Variants in SKAP1 observed in about 807,000 individuals in gnomAD.
SKAP1 encodes the protein src kinase-associated phosphoprotein 1.
Under a neutral mutation model 58.5 loss-of-function variants are expected in SKAP1, and 44 were observed. That is an observed-to-expected ratio of 0.75 (90% CI 0.59 to 0.97). The LOEUF is 0.97. Among genes scored for constraint, SKAP1 ranks in the 50% least tolerant of loss-of-function variants. SKAP1 has a pLI of 0.00. For missense variants in SKAP1, 390 were observed against 435.2 expected (o/e 0.90, Z 0.92); for synonymous variants, 127 against 149.7 (o/e 0.85, Z 1.11).
chr17:48,191,460 A>C (rs1255075052), intron 4 of SKAP1, among the ~76,000 whole-genome samples: 1 of 152,232 alleles, frequency 6.6e-6, no homozygotes, highest in Non-Finnish European at 1.5e-5. Flanking sequence ...GGCCACCTAT[A>C]GAGTATCTTG....
At chr17:48,279,297 A>AAT (rs2065739255) in intron 4 of SKAP1, among the ~76,000 whole-genome samples, 1 of 152,224 alleles carries the variant, frequency 6.6e-6, no homozygotes, top group Admixed American at 6.5e-5. Flanking sequence ...GAAAATGTGT[A>AAT]ATAAAATTCA....
At chr17:48,405,442 TTTCTTTCTTTTCTTTC>T (rs1472878199) in intron 1 of SKAP1, among the ~76,000 whole-genome samples, 2,986 of 78,338 alleles carry the variant, frequency 0.038, 74 homozygotes, top group African/African-American at 0.06. Context: ...TCTTTCTTTC[TTTCTTTCTTTTCTTTC>T]TTTCTTTCCT....
At chr17:48,257,628 CTTTT>C (rs56225931) in intron 4 of SKAP1, among the ~76,000 whole-genome samples, 1 of 111,146 alleles carries the variant, frequency 9.0e-6, no homozygotes, top group African/African-American at 3.2e-5. Flanking sequence ...TTCTTTCTTT[CTTTT>C]TTTTTTTTTT....
intron 11 of SKAP1, among the ~76,000 whole-genome samples, chr17:48,153,950 A>G (rs1018520999): frequency 6.6e-5 from 10 of 152,140 alleles, no homozygotes; most frequent in Admixed American, 5.9e-4. Context: ...TGAAGGAATT[A>G]ACTTATCTGT....
intron 10 of SKAP1, among the ~76,000 whole-genome samples, chr17:48,170,233 G>A (rs1213572895): frequency 6.6e-6 from 1 of 152,082 alleles, no homozygotes; most frequent in African/African-American, 2.4e-5. Flanking sequence ...GCAATCTCCG[G>A]GCCTCTCAGA....
chr17:48,324,068 T>C (rs1443977334), intron 4 of SKAP1, among the ~76,000 whole-genome samples: 1 of 152,058 alleles, frequency 6.6e-6, no homozygotes, highest in Admixed American at 6.6e-5. Context: ...ACCAATGACC[T>C]TTCATTTTAA....
intron 4 of SKAP1, among the ~76,000 whole-genome samples, chr17:48,215,636 T>G (rs888412988): frequency 6.6e-6 from 1 of 152,076 alleles, no homozygotes; most frequent in African/African-American, 2.4e-5. Context: ...TCCCCATTCT[T>G]TTTGCTAAGG....
chr17:48,232,177 G>A (rs1223396199), intron 4 of SKAP1, among the ~76,000 whole-genome samples: 4 of 152,214 alleles, frequency 2.6e-5, no homozygotes, highest in Admixed American at 6.5e-5. Context: ...GCAAGTTCCT[G>A]GGCGTGCCTC....
At chr17:48,285,355 G>A (rs1417510363) in intron 4 of SKAP1, among the ~76,000 whole-genome samples, 2 of 152,166 alleles carry the variant, frequency 1.3e-5, no homozygotes, top group East Asian at 3.8e-4. Context: ...TGTGGCTCAT[G>A]CCTGTAGTCC....
chr17:48,241,119 A>G (rs2065239808), intron 4 of SKAP1, among the ~76,000 whole-genome samples: 1 of 152,112 alleles, frequency 6.6e-6, no homozygotes, highest in African/African-American at 2.4e-5. Flanking sequence ...GTCCAAGATC[A>G]TAAGGGACCT....
At chr17:48,402,276 C>A (rs1265230085) in intron 1 of SKAP1, among the ~76,000 whole-genome samples, 1 of 150,930 alleles carries the variant, frequency 6.6e-6, no homozygotes, top group Non-Finnish European at 1.5e-5. Flanking sequence ...AGGAAATACC[C>A]AAAAGAAATG....
intron 9 of SKAP1, among the ~76,000 whole-genome samples, chr17:48,176,603 T>G (rs975803426): frequency 2.0e-5 from 3 of 152,164 alleles, no homozygotes; most frequent in East Asian, 3.8e-4. Context: ...ACACGGATGT[T>G]CAGAAATTCC....
chr17:48,409,824 G>C (rs1463025260), intron 1 of SKAP1, among the ~76,000 whole-genome samples: 2 of 152,162 alleles, frequency 1.3e-5, no homozygotes, highest in Non-Finnish European at 2.9e-5. Context: ...TCATGCATTT[G>C]TTGAAACCTA....
intron 4 of SKAP1, among the ~76,000 whole-genome samples, chr17:48,279,378 G>T (rs2065740232): frequency 6.6e-6 from 1 of 152,170 alleles, no homozygotes; most frequent in South Asian, 2.1e-4. Flanking sequence ...TTCTAACACT[G>T]CCATGGGTGT....
At chr17:48,189,090 G>C (rs553497678) in intron 5 of SKAP1, among the ~76,000 whole-genome samples, 4 of 152,290 alleles carry the variant, frequency 2.6e-5, no homozygotes, top group African/African-American at 9.6e-5. Flanking sequence ...ACTACACAGT[G>C]GGAGCACACT....
chr17:48,150,684 C>G (rs920766620), intron 11 of SKAP1, among the ~76,000 whole-genome samples: 60 of 151,980 alleles, frequency 3.9e-4, no homozygotes, highest in Non-Finnish European at 7.4e-5. Context: ...ATGGTGGGTG[C>G]GTATAAGATA....
chr17:48,360,956 A>G (rs2144388541), intron 3 of SKAP1, among the ~76,000 whole-genome samples: 2 of 152,240 alleles, frequency 1.3e-5, no homozygotes, highest in Middle Eastern at 3.4e-3. Context: ...AGTCACGAAG[A>G]GTATGGGCTC....
chr17:48,433,437 T>G (rs370564901), upstream of SKAP1, among the ~76,000 whole-genome samples: 43 of 152,336 alleles, frequency 2.8e-4, no homozygotes, highest in South Asian at 8.5e-3. Flanking sequence ...CAGCTGTCTC[T>G]GCACACAGGC....
chr17:48,430,078 C>T lies in SKAP1; in HGVS notation c.43G>A (p.Glu15Lys). Residue 15 changes from glutamate (E) to lysine (K), a missense_variant, in exon 1 of 13, where the codon GAA (glutamate) becomes AAA (lysine). Transcript: ENST00000336915. ...GGGGCCTGCGCCAGGGCGTTACCTT[C>T]CAGGAGCCAACGGATCTCCTCAGGG... The part of the protein sequence containing the change: ...ALPEEIRWLL[E>K]DAEEFLAEGL... The T allele has an allele frequency of 7.9e-7, 1 of 1,266,576 alleles. No homozygotes were observed. The highest frequency in any genetic ancestry group is 1.0e-6 in the Non-Finnish European group (1 of 997,884). The allele number at this position is 1,266,576 out of a possible 1,614,324, so 78.5% of individuals were successfully genotyped here. A position where few individuals can be genotyped will look rare whatever the true frequency, so the allele number is the denominator to read the frequency against.
Sources: gnomAD v4.1 joint callset for allele counts (sites outside exome capture counted in the v4.1 genomes callset) on GRCh38, gnomAD v4.1.1 for gene constraint, MANE v1.5 for transcripts, NCBI Gene and HGNC (gene_info 2026-07-23, HGNC 2026-07-21) for gene names.